The following PHF24 variants were observed in gnomAD, a reference collection of about 807,000 sequenced individuals.
PHF24 encodes the protein PHD finger protein 24.
Under a neutral mutation model 42.6 loss-of-function variants are expected in PHF24, and 25 were observed. That is an observed-to-expected ratio of 0.59 (90% CI 0.43 to 0.82). The LOEUF (loss-of-function observed/expected upper bound fraction) is 0.82, where lower values mean the gene tolerates loss of function less well. Among genes scored for constraint, PHF24 ranks in the 40% least tolerant of loss-of-function variants. The probability of loss-of-function intolerance (pLI) is 0.00; values close to 1 mark genes in which losing one functional copy is unlikely to be tolerated. For missense variants in PHF24, 470 were observed against 538.1 expected (o/e 0.87, Z 1.25); for synonymous variants, 185 against 204.8 (o/e 0.90, Z 0.83).
At chr9:34,868,892 C>T in the PHF24 span, among the ~76,000 whole-genome samples, 1 of 152,106 alleles carries the variant, frequency 6.6e-6, no homozygotes, top group East Asian at 1.9e-4. Context: ...AGCTATTCTT[C>T]CTGATGCTCT....
At chr9:34,809,051 A>AC in the PHF24 span, among the ~76,000 whole-genome samples, 1 of 7,766 alleles carries the variant, frequency 1.3e-4, no homozygotes. The surrounding 1 kb of genome is among the most constrained non-coding windows in gnomAD (Gnocchi z 4.1). Flanking sequence ...AAAAAAAAAT[A>AC]ATAAATAAAT....
At chr9:34,715,845 G>A in the PHF24 span, among the ~76,000 whole-genome samples, 1 of 152,222 alleles carries the variant, frequency 6.6e-6, no homozygotes, top group Non-Finnish European at 1.5e-5. Context: ...TGTGGGTGTT[G>A]CAAGAGTCTG....
the PHF24 span, among the ~76,000 whole-genome samples, chr9:34,676,332 T>G: frequency 1.3e-5 from 2 of 152,090 alleles, no homozygotes; most frequent in Non-Finnish European, 2.9e-5. Context: ...AAGACCAGCC[T>G]AGGCACAATG....
At chr9:34,690,177 G>A in the PHF24 span, 1 of 1,612,710 alleles carries the variant, frequency 6.2e-7, no homozygotes. Context: ...GCTAAAACGG[G>A]AGATGAGGCT....
chr9:34,796,742 A>G, the PHF24 span, among the ~76,000 whole-genome samples: 1 of 152,226 alleles, frequency 6.6e-6, no homozygotes, highest in Admixed American at 6.5e-5. Context: ...CACTCTGTAA[A>G]ATAGTTTGGT....
chr9:34,799,851 A>AT, the PHF24 span, among the ~76,000 whole-genome samples: 3 of 152,078 alleles, frequency 2.0e-5, no homozygotes, highest in Non-Finnish European at 2.9e-5. Flanking sequence ...AGTACCACAG[A>AT]TTTTTTTTAA....
chr9:34,774,536 C>T, the PHF24 span, among the ~76,000 whole-genome samples: 2 of 152,100 alleles, frequency 1.3e-5, no homozygotes, highest in Admixed American at 6.6e-5. Context: ...CTTTGGAAGG[C>T]GGAGGTAGGT....
chr9:34,788,723 G>A, the PHF24 span, among the ~76,000 whole-genome samples: 1 of 152,088 alleles, frequency 6.6e-6, no homozygotes, highest in Admixed American at 6.5e-5. Context: ...TGAGCAGGAG[G>A]GTGAGCCCCT....
At chr9:34,783,044 T>C in the PHF24 span, among the ~76,000 whole-genome samples, 1 of 152,312 alleles carries the variant, frequency 6.6e-6, no homozygotes, top group African/African-American at 2.4e-5. Context: ...GCATTGCTCT[T>C]GCCTCCAGAA....
At chr9:34,682,561 G>A in the PHF24 span, among the ~76,000 whole-genome samples, 2 of 152,168 alleles carry the variant, frequency 1.3e-5, no homozygotes, top group South Asian at 4.1e-4. Context: ...TAGCCATAGT[G>A]TGGACTATAG....
chr9:34,836,541 A>ATGT, the PHF24 span, among the ~76,000 whole-genome samples: 1 of 152,212 alleles, frequency 6.6e-6, no homozygotes, highest in African/African-American at 2.4e-5. Flanking sequence ...ATCCCTGATG[A>ATGT]TGTACCCAAC....
chr9:34,953,236 G>A (rs1029242626), upstream of PHF24, among the ~76,000 whole-genome samples: 4 of 152,146 alleles, frequency 2.6e-5, no homozygotes, highest in Non-Finnish European at 5.9e-5. The surrounding 1 kb of genome is among the most constrained non-coding windows in gnomAD (Gnocchi z 4.1). Context: ...CTGCAGCCTC[G>A]AACTCCTGAG....
chr9:34,736,908 T>C, the PHF24 span, among the ~76,000 whole-genome samples: 1 of 152,188 alleles, frequency 6.6e-6, no homozygotes, highest in African/African-American at 2.4e-5. Context: ...AAATGATATA[T>C]TTCAAAAATG....
the PHF24 span, chr9:34,918,110 T>C: frequency 9.3e-4 from 1,433 of 1,545,530 alleles, 2 homozygotes; most frequent in Non-Finnish European, 1.2e-3. Context: ...TCAACAACTT[T>C]TCTGCTGGTG....
exon 8 of PHF24, chr9:34,980,649 G>A (rs1587486176): frequency 6.6e-6 from 1 of 152,222 alleles, no homozygotes; most frequent in Non-Finnish European, 1.5e-5. Flanking sequence ...GGTATGTATA[G>A]AGTTGTTAAA....
the PHF24 span, chr9:34,709,819 C>T: frequency 8.7e-6 from 14 of 1,614,082 alleles, no homozygotes; most frequent in East Asian, 2.2e-5. Flanking sequence ...TTCCTGCTTC[C>T]GGTAGCTGCG....
the PHF24 span, among the ~76,000 whole-genome samples, chr9:34,809,001 A>G: frequency 2.6e-5 from 4 of 151,692 alleles, no homozygotes; most frequent in Non-Finnish European, 5.9e-5. This position sits in a 1 kb window ranked among gnomAD's most constrained non-coding sequence, Gnocchi z 4.1. Context: ...ACTAACCTGC[A>G]CATTGTGCCC....
chr9:34,857,287 C>A, the PHF24 span, among the ~76,000 whole-genome samples: 1 of 152,190 alleles, frequency 6.6e-6, no homozygotes, highest in Non-Finnish European at 1.5e-5. Flanking sequence ...TAGATTCAGC[C>A]CCATTCCTAG....
the PHF24 span, among the ~76,000 whole-genome samples, chr9:34,790,250 G>A: frequency 1.3e-5 from 2 of 152,222 alleles, no homozygotes; most frequent in African/African-American, 4.8e-5. Flanking sequence ...CCAGTCTGAG[G>A]TTGAACAGGC....
Sources: gnomAD v4.1 joint callset for allele counts (sites outside exome capture counted in the v4.1 genomes callset) on GRCh38, gnomAD v4.1.1 for gene constraint, Gnocchi (gnomAD v3.1) non-coding constraint, MANE v1.5 for transcripts, NCBI Gene and HGNC (gene_info 2026-07-23, HGNC 2026-07-21) for gene names.